Variants in NKAIN1 observed in about 807,000 individuals in gnomAD.
NKAIN1 encodes sodium/potassium transporting ATPase interacting 1.
A neutral mutation model predicts 31.6 loss-of-function variants in NKAIN1; 13 were observed. The observed-to-expected ratio is 0.41, with a 90% CI of 0.27 to 0.65. The LOEUF is 0.65. Ranked by LOEUF, NKAIN1 falls within the 30% of genes least tolerant of loss-of-function variation. The pLI, the probability that NKAIN1 is intolerant of heterozygous loss-of-function variation, is 0.30. For synonymous variants in NKAIN1, 104 were observed against 109.0 expected, an observed-to-expected ratio of 0.95 and a Z score of 0.28; for missense variants, 193 against 262.2, an observed-to-expected ratio of 0.74 and a Z score of 1.82.
At chr1:31,208,408 G>A (rs1025936727) in intron 1 of NKAIN1, among the ~76,000 whole-genome samples, 2 of 152,004 alleles carry the variant, frequency 1.3e-5, no homozygotes, top group African/African-American at 2.4e-5. Flanking sequence ...TCTCATTCCC[G>A]GCTTCCTTTC....
chr1:31,237,218 T>C (rs1645698902), intron 1 of NKAIN1, among the ~76,000 whole-genome samples: 1 of 152,172 alleles, frequency 6.6e-6, no homozygotes, highest in Non-Finnish European at 1.5e-5. Flanking sequence ...ACCACTGCAC[T>C]CTGTCCTGGA....
chr1:31,223,532 C>T (rs922053490), intron 1 of NKAIN1, among the ~76,000 whole-genome samples: 4 of 152,128 alleles, frequency 2.6e-5, no homozygotes, highest in African/African-American at 9.6e-5. Context: ...GCAAGCTCCA[C>T]CTCCTGGGTT....
At chr1:31,215,555 C>G (rs2148361103) in intron 1 of NKAIN1, among the ~76,000 whole-genome samples, 1 of 152,286 alleles carries the variant, frequency 6.6e-6, no homozygotes, top group African/African-American at 2.4e-5. Flanking sequence ...CATTCCTATG[C>G]TGAAGCTCTG....
chr1:31,200,335 T>C (rs1442490028), intron 1 of NKAIN1, among the ~76,000 whole-genome samples: 1 of 152,122 alleles, frequency 6.6e-6, no homozygotes, highest in African/African-American at 2.4e-5. Context: ...CTCATAACAA[T>C]AAACAGTTAT....
rs1472711395 is a variant in NKAIN1, at chr1:31,196,957, T to C, written c.55-8770A>G. Among the ~76,000 whole-genome samples the C allele has an allele frequency of 2.0e-5, 3 of 152,228 alleles. No homozygotes were observed. In the East Asian group the frequency reaches 5.8e-4, roughly 29 times the overall value. On this transcript the variant is annotated intron_variant, in intron 1 of 6. Transcript: ENST00000373736. ...GCACTAACCTTCCTGTGCCTGTTTCTTGGTTAACAAAATGGGTATGATTCA... is the reference window on the plus strand; with the variant it reads ...GCACTAACCTTCCTGTGCCTGTTTCCTGGTTAACAAAATGGGTATGATTCA...
At chr1:31,189,135 G>A (rs375433133) in intron 1 of NKAIN1, among the ~76,000 whole-genome samples, 4 of 152,096 alleles carry the variant, frequency 2.6e-5, no homozygotes, top group Middle Eastern at 6.8e-3. Context: ...AAGCCACGGG[G>A]AGGAGAGCGA....
intron 1 of NKAIN1, among the ~76,000 whole-genome samples, chr1:31,213,527 C>A (rs1645486701): frequency 6.6e-6 from 1 of 152,210 alleles, no homozygotes; most frequent in African/African-American, 2.4e-5. Flanking sequence ...GTTCTTCCAA[C>A]AGCTGGACAC....
intron 1 of NKAIN1, among the ~76,000 whole-genome samples, chr1:31,196,236 G>A (rs958069680): frequency 3.9e-5 from 6 of 152,114 alleles, no homozygotes; most frequent in South Asian, 2.1e-4. Flanking sequence ...AAAATTGGCC[G>A]GGTGCGGTGG....
At chr1:31,194,767 C>CT (rs35385145) in intron 1 of NKAIN1, among the ~76,000 whole-genome samples, 3,625 of 99,470 alleles carry the variant, frequency 0.036, 317 homozygotes, top group Non-Finnish European at 0.052. Context: ...CTCTCTCTCT[C>CT]TTTTTTTTTT....
At chr1:31,200,062 C>G (rs2377721) in intron 1 of NKAIN1, among the ~76,000 whole-genome samples, 107,891 of 151,738 alleles carry the variant, frequency 0.71, 39,645 homozygotes, top group Middle Eastern at 0.9. Flanking sequence ...CACACGCACG[C>G]GCACGCACGA....
intron 1 of NKAIN1, among the ~76,000 whole-genome samples, chr1:31,223,942 C>T (rs1399340742): frequency 6.6e-6 from 1 of 152,166 alleles, no homozygotes; most frequent in Non-Finnish European, 1.5e-5. Context: ...TGTTCCAGTC[C>T]CTGGCAGGGA....
rs1039218564 is a variant in NKAIN1 at position 31,181,582 on chromosome 1, G to T, written c.*121C>A. The T allele has an allele frequency of 5.5e-6, 5 of 910,400 alleles. No individual in the cohort carries two copies. Among genetic ancestry groups the T allele is most frequent in the Non-Finnish European group, 7.6e-6 (5 of 661,852 alleles). The allele number at this position is 910,400 out of a possible 1,614,324, so 56.4% of individuals were successfully genotyped here. ...CCGCATCTCCAGATGCAGACGCGGGGTTGGGCACAGGCTGCAGTGAGCGCG... is the reference window on the plus strand; with the variant it reads ...CCGCATCTCCAGATGCAGACGCGGGTTTGGGCACAGGCTGCAGTGAGCGCG... On this transcript the variant is annotated 3_prime_UTR_variant, in exon 7 of 7. Coordinates refer to ENST00000373736, the MANE Select transcript of NKAIN1 (RefSeq NM_024522.3).
chr1:31,201,788 A>G (rs1645382039), intron 1 of NKAIN1, among the ~76,000 whole-genome samples: 1 of 152,104 alleles, frequency 6.6e-6, no homozygotes, highest in African/African-American at 2.4e-5. Flanking sequence ...ACCACTTCTT[A>G]CCAAGGTGCT....
At chr1:31,197,234 C>T (rs1311497210) in intron 1 of NKAIN1, among the ~76,000 whole-genome samples, 9 of 151,570 alleles carry the variant, frequency 5.9e-5, no homozygotes, top group African/African-American at 2.2e-4. Flanking sequence ...GCCTCAGCCT[C>T]CCGAGTAGCT....
At chr1:31,215,931 C>G (rs1645508559) in intron 1 of NKAIN1, among the ~76,000 whole-genome samples, 1 of 152,128 alleles carries the variant, frequency 6.6e-6, no homozygotes, top group Non-Finnish European at 1.5e-5. Flanking sequence ...TCAGCTCTCA[C>G]AACTACAAAT....
chr1:31,197,507 A>G (rs1324977729), intron 1 of NKAIN1, among the ~76,000 whole-genome samples: 1 of 145,522 alleles, frequency 6.9e-6, no homozygotes, highest in African/African-American at 2.5e-5. Flanking sequence ...TGGCCTCCCA[A>G]AGTGCTGGGA....
At position 31,206,514 on chromosome 1, in the gene NKAIN1, C is replaced by A. The variant is rs1243048588; in HGVS notation, c.55-18327G>T. ...GCAGTGGCGTGATCTTGGCTCACTG[C>A]AACCTCTGCCTCCTGGGCTCAAGTG... On this transcript the variant is annotated intron_variant, in intron 1 of 6. Transcript: ENST00000373736. Among the ~76,000 whole-genome samples, 3 of 152,100 alleles carry A rather than the reference C, an allele frequency of 2.0e-5. No homozygotes were observed. In the East Asian group the frequency reaches 5.8e-4, roughly 29 times the overall value.
intron 1 of NKAIN1, among the ~76,000 whole-genome samples, chr1:31,205,219 C>T (rs1570463491): frequency 6.6e-6 from 1 of 152,224 alleles, no homozygotes; most frequent in Non-Finnish European, 1.5e-5. Flanking sequence ...CAACCTCTGT[C>T]TCCCGGGTTC....
intron 1 of NKAIN1, among the ~76,000 whole-genome samples, chr1:31,209,989 T>TAAAAAAAA (rs71569969): frequency 1.5e-5 from 2 of 137,154 alleles, no homozygotes; most frequent in African/African-American, 5.4e-5. Flanking sequence ...CCTGTCTTAT[T>TAAAAAAAA]AAAAAAAAAA....
Sources: allele counts gnomAD v4.1 joint callset (sites outside exome capture counted in the v4.1 genomes callset), GRCh38; gene constraint gnomAD v4.1.1; transcripts MANE v1.5; gene names NCBI Gene and HGNC (gene_info 2026-07-23, HGNC 2026-07-21).